LAPTM4B: variants seen among roughly 807,000 people sequenced by gnomAD.
LAPTM4B encodes the protein lysosomal protein transmembrane 4 beta.
In LAPTM4B, 26 loss-of-function variants were observed where a neutral mutation model predicts 28.5. That is an observed-to-expected ratio of 0.91 (90% CI 0.67 to 1.27). LAPTM4B has a LOEUF of 1.27. Ranked by LOEUF, LAPTM4B falls within the 50% of genes most tolerant of loss-of-function variation. LAPTM4B has a pLI of 0.00. For synonymous variants in LAPTM4B, 109 were observed against 106.4 expected (o/e 1.02, Z -0.15); for missense variants, 288 against 285.8 (o/e 1.01, Z -0.06).
At chr8:97,829,786 G>A (rs1817151988) in intron 6 of LAPTM4B, among the ~76,000 whole-genome samples, 1 of 151,826 alleles carries the variant, frequency 6.6e-6, no homozygotes, top group East Asian at 1.9e-4. Flanking sequence ...TACCTCCCAG[G>A]TCCTGGTTCA....
intron 2 of LAPTM4B, among the ~76,000 whole-genome samples, chr8:97,811,859 A>G (rs1391676642): frequency 6.6e-6 from 1 of 152,094 alleles, no homozygotes; most frequent in Non-Finnish European, 1.5e-5. Context: ...AGGCTGGAGT[A>G]CAGTAGCACA....
chr8:97,845,864 TTCCAC>T (rs1194168275), intron 6 of LAPTM4B, among the ~76,000 whole-genome samples: 78 of 5,764 alleles, frequency 0.014, no homozygotes, highest in African/African-American at 0.032. Flanking sequence ...TTCCCCCCCC[TTCCAC>T]TCCCCTCCCC....
chr8:97,792,753 T>C (rs1166044295), intron 1 of LAPTM4B, among the ~76,000 whole-genome samples: 8 of 151,826 alleles, frequency 5.3e-5, no homozygotes, highest in Admixed American at 4.6e-4. Context: ...CTGTTTTGTA[T>C]TTTTAGTAGA....
At chr8:97,849,358 A>C (rs1344422365) in intron 6 of LAPTM4B, among the ~76,000 whole-genome samples, 1 of 152,134 alleles carries the variant, frequency 6.6e-6, no homozygotes, top group Non-Finnish European at 1.5e-5. Context: ...TTCAGGTTCA[A>C]GTCGCTGTGA....
intron 1 of LAPTM4B, among the ~76,000 whole-genome samples, chr8:97,779,898 A>C (rs1159945980): frequency 1.3e-5 from 2 of 151,786 alleles, no homozygotes; most frequent in Non-Finnish European, 2.9e-5. Flanking sequence ...CTAAAACTAC[A>C]AAATTAGTCG....
At chr8:97,849,763 G>A (rs905998866) in intron 6 of LAPTM4B, among the ~76,000 whole-genome samples, 26 of 152,170 alleles carry the variant, frequency 1.7e-4, no homozygotes, top group Non-Finnish European at 2.9e-4. Flanking sequence ...AGCCAGGCCA[G>A]TAGGGGGCAC....
At chr8:97,799,272 A>G (rs970970418) in intron 1 of LAPTM4B, among the ~76,000 whole-genome samples, 36 of 152,202 alleles carry the variant, frequency 2.4e-4, no homozygotes, top group African/African-American at 8.4e-4. Context: ...AAAAATTACA[A>G]CAATTTAGTT....
At chr8:97,829,205 G>GTA (rs1223709681) in intron 6 of LAPTM4B, among the ~76,000 whole-genome samples, 1 of 152,150 alleles carries the variant, frequency 6.6e-6, no homozygotes, top group Non-Finnish European at 1.5e-5. Flanking sequence ...TTTTCATGGT[G>GTA]TATAAGAAAG....
At chr8:97,806,859 AGGCAGGAGAATT>A (rs1816761743) in intron 2 of LAPTM4B, among the ~76,000 whole-genome samples, 1 of 152,110 alleles carries the variant, frequency 6.6e-6, no homozygotes, top group Non-Finnish European at 1.5e-5. Flanking sequence ...TGGGAGGCTG[AGGCAGGAGAATT>A]GCTTGAACCC....
intron 1 of LAPTM4B, among the ~76,000 whole-genome samples, chr8:97,800,848 G>C (rs577826294): frequency 5.3e-5 from 8 of 151,926 alleles, no homozygotes; most frequent in African/African-American, 1.9e-4. Flanking sequence ...GTGGTGGCTC[G>C]CGCATTTAAT....
chr8:97,840,446 C>G (rs1396407442), intron 6 of LAPTM4B, among the ~76,000 whole-genome samples: 1 of 152,162 alleles, frequency 6.6e-6, no homozygotes, highest in Non-Finnish European at 1.5e-5. Flanking sequence ...AAATCTACCT[C>G]TATCTTGTTT....
chr8:97,830,036 G>A (rs1289805307), intron 6 of LAPTM4B, among the ~76,000 whole-genome samples: 1 of 152,182 alleles, frequency 6.6e-6, no homozygotes, highest in African/African-American at 2.4e-5. Context: ...GTTCGGGAGG[G>A]TAAAGGTGTG....
chr8:97,827,664 T>A (rs1817111521), intron 6 of LAPTM4B, among the ~76,000 whole-genome samples: 1 of 152,060 alleles, frequency 6.6e-6, no homozygotes, highest in South Asian at 2.1e-4. Flanking sequence ...TCCAGGTAGA[T>A]AGTATTATGT....
At chr8:97,794,446 G>A (rs942744584) in intron 1 of LAPTM4B, among the ~76,000 whole-genome samples, 1 of 152,112 alleles carries the variant, frequency 6.6e-6, no homozygotes, top group Admixed American at 6.6e-5. Flanking sequence ...GTACAACCCA[G>A]TTTCAATCAG....
At chr8:97,796,093 C>A (rs1213178027) in intron 1 of LAPTM4B, among the ~76,000 whole-genome samples, 4 of 152,196 alleles carry the variant, frequency 2.6e-5, no homozygotes, top group Admixed American at 6.5e-5. Context: ...GCATGCGCCA[C>A]CCTATCCGCT....
chr8:97,779,753 T>TAAAAAAAAAAAAAAAAAAAA (rs750177675), intron 1 of LAPTM4B, among the ~76,000 whole-genome samples: 1 of 115,314 alleles, frequency 8.7e-6, no homozygotes. Context: ...GACTCTTATC[T>TAAAAAAAAAAAAAAAAAAAA]AAAAAAAAAA....
chr8:97,815,489 C>T, intron 3 of LAPTM4B, 88 bp downstream of exon 3: 1 of 905,646 alleles, frequency 1.1e-6, no homozygotes, highest in Non-Finnish European at 1.8e-6. Flanking sequence ...AAGTGACTTT[C>T]CAGTTTTCTG....
chr8:97,844,829 A>G (rs1027956249), intron 6 of LAPTM4B, among the ~76,000 whole-genome samples: 3 of 152,164 alleles, frequency 2.0e-5, no homozygotes, highest in African/African-American at 7.2e-5. Flanking sequence ...TTGCCTGCCC[A>G]CATCCTCAGG....
chr8:97,829,283 G>A (rs1817141848), intron 6 of LAPTM4B, among the ~76,000 whole-genome samples: 1 of 152,216 alleles, frequency 6.6e-6, no homozygotes, highest in Non-Finnish European at 1.5e-5. Flanking sequence ...CAAGAAGAAG[G>A]ACTTGGAGGG....
Sources: allele counts gnomAD v4.1 joint callset (sites outside exome capture counted in the v4.1 genomes callset), GRCh38; gene constraint gnomAD v4.1.1; transcripts MANE v1.5; gene names NCBI Gene and HGNC (gene_info 2026-07-23, HGNC 2026-07-21).